LRP2: variants seen among roughly 807,000 people sequenced by gnomAD.
LRP2 encodes LDL receptor related protein 2.
A neutral mutation model predicts 531.0 loss-of-function variants in LRP2; 172 were observed. The ratio of observed to expected loss-of-function variants is 0.32; its 90% CI spans 0.29 to 0.37. The LOEUF is 0.37. LRP2 is among the 10% of genes least tolerant of loss of function. The pLI is 1.00. For missense variants in LRP2, 5,167 were observed against 5,868.3 expected (o/e 0.88, Z 3.90); for synonymous variants, 1,992 against 2,027.6 (o/e 0.98, Z 0.47).
intron 44 of LRP2, 147 bp downstream of exon 44, chr2:169,201,481 G>A (rs1286037255): frequency 2.0e-5 from 18 of 921,364 alleles, no homozygotes; most frequent in Non-Finnish European, 2.9e-5. Flanking sequence ...GTTGATACTT[G>A]CTACCGCGCC....
intron 1 of LRP2, among the ~76,000 whole-genome samples, chr2:169,330,570 A>G (rs1435844785): frequency 6.6e-6 from 1 of 152,144 alleles, no homozygotes; most frequent in African/African-American, 2.4e-5. Flanking sequence ...GCAAAGCCAC[A>G]CTTCTCAGAG....
At chr2:169,149,480 C>T (rs545416215) in intron 68 of LRP2, among the ~76,000 whole-genome samples, 16 of 152,268 alleles carry the variant, frequency 1.1e-4, no homozygotes, top group Middle Eastern at 3.4e-3. Context: ...TCCTTTCTTA[C>T]TTCCTATCCC....
chr2:169,137,619 T>G (rs1416389799), intron 75 of LRP2, 126 bp from the exon 76 acceptor site: 1 of 491,934 alleles, frequency 2.0e-6, no homozygotes, highest in Non-Finnish European at 3.8e-6. Flanking sequence ...CGCTAGGTGC[T>G]ACGTCATAAG....
In LRP2 at chr2:169,310,671, T is replaced by C. The variant is rs534342009; in HGVS notation, c.311-3274A>G. ...ATTGGTCTAAAATTCTCTTTTTTTGTTGTGTCTCTGCCAGGCTTTGGTATC... is the reference window on the plus strand; with the variant it reads ...ATTGGTCTAAAATTCTCTTTTTTTGCTGTGTCTCTGCCAGGCTTTGGTATC... On this transcript the variant is annotated intron_variant, in intron 3 of 78. Transcript: ENST00000649046. 1.6e-4 allele frequency among the ~76,000 whole-genome samples: 25 copies of C among 152,318 alleles called. No homozygotes were observed. The East Asian group carries it at 3.5e-3, about 21-fold the overall frequency.
chr2:169,180,208 C>T (rs1159542340), intron 52 of LRP2, among the ~76,000 whole-genome samples: 2 of 152,164 alleles, frequency 1.3e-5, no homozygotes, highest in African/African-American at 4.8e-5. Context: ...CTTTGAACAT[C>T]TTGATGCTTC....
chr2:169,175,643 C>CAA (rs34526338), intron 54 of LRP2, among the ~76,000 whole-genome samples: 38 of 149,674 alleles, frequency 2.5e-4, no homozygotes, highest in South Asian at 1.5e-3. Flanking sequence ...ATTTCCTCCA[C>CAA]AAAAAAAAAA....
chr2:169,279,844 T>A lies in LRP2; in HGVS notation c.1342-249A>T, dbSNP rs572140711. 1.2e-3 allele frequency among the ~76,000 whole-genome samples: 185 copies of A among 152,288 alleles called. 1 individual carries two copies. The highest frequency in any genetic ancestry group is 4.4e-3 in the African/African-American group (181 of 41,566). On this transcript the variant is annotated intron_variant, in intron 11 of 78. Transcript: ENST00000649046. ...AAATTTATGTTTCAAAAATCTCCAT[T>A]GCATTACTCCAAGATGAAATTAAAC...
intron 1 of LRP2, among the ~76,000 whole-genome samples, chr2:169,327,091 G>C (rs1375568992): frequency 1.4e-5 from 2 of 145,102 alleles, no homozygotes; most frequent in East Asian, 2.1e-4. Context: ...AGGTGGGGGG[G>C]TCAGCCCCCC....
At chr2:169,210,689 G>A (rs979722200) in intron 37 of LRP2, among the ~76,000 whole-genome samples, 2 of 152,160 alleles carry the variant, frequency 1.3e-5, no homozygotes, top group African/African-American at 2.4e-5. Context: ...TCCCAGTGCA[G>A]TGCATGAATC....
intron 13 of LRP2, 105 bp downstream of exon 13, chr2:169,277,640 A>T: frequency 9.6e-7 from 1 of 1,041,326 alleles, no homozygotes; most frequent in East Asian, 2.6e-5. Flanking sequence ...CATGTCCACC[A>T]ACAAAGCAAT....
At chr2:169,209,691 CT>C (rs1688525933) in intron 37 of LRP2, 50 bp from the exon 38 acceptor site, 1 of 1,555,560 alleles carries the variant, frequency 6.4e-7, no homozygotes, top group African/African-American at 1.4e-5. Context: ...GAAATTAGAA[CT>C]TTTAAATGTC....
Position 169,279,614 on chromosome 2 carries a change from T to G in LRP2, c.1342-19A>C, listed in dbSNP as rs997581828. On this transcript the variant is annotated intron_variant, in intron 11 of 78. Transcript: ENST00000649046. ...AAAAAACCTGAAAGAAAAACCAAAATTATTATATTTCTTCAGCATCACTAA... is the reference window on the plus strand; with the variant it reads ...AAAAAACCTGAAAGAAAAACCAAAAGTATTATATTTCTTCAGCATCACTAA... The G allele has an allele frequency of 1.3e-6, 2 of 1,485,522 alleles. No individual in the cohort carries two copies. The highest frequency in any genetic ancestry group is 1.9e-6 in the Non-Finnish European group (2 of 1,064,722). 92.0% of individuals were successfully genotyped at this position (1,485,522 alleles called of 1,614,324 possible).
chr2:169,185,498 C>T lies in LRP2; in HGVS notation c.9845+5G>A, dbSNP rs563916043. ...CTTTTAAAAAGCTCATCAGTGTTTTCTTACCTGGAAACCCAGTCTACAGCC... is the reference window on the plus strand; with the variant it reads ...CTTTTAAAAAGCTCATCAGTGTTTTTTTACCTGGAAACCCAGTCTACAGCC... On this transcript the variant is annotated splice_donor_5th_base_variant and intron_variant, in intron 50 of 78. Transcript: ENST00000649046. 3.1e-5 allele frequency: 50 copies of T among 1,612,918 alleles called. No homozygotes were observed. The East Asian group carries it at 7.1e-4, about 23-fold the overall frequency.
chr2:169,259,112 C>G lies in LRP2; in HGVS notation c.2426G>C (p.Ser809Thr), dbSNP rs759522776. ...YWTDSHYKSI[S>T]VMRLADKTRR... is the part of the protein sequence containing the mutation. ...CGTTTTATCAGCTAGCCTCATGACA[C>G]TGATACTCTTGTAATGAGAGTCTGT... is the stretch of plus-strand genomic sequence containing the variant. The change falls in exon 17 of 79, where the codon AGT (serine) becomes ACT (threonine). Residue 809 changes from serine to threonine, a missense_variant. This residue lies in a region of LRP2 where 2,811 missense variants were observed against 3,058.0 expected (regional missense o/e 0.92). Coordinates refer to ENST00000649046, the MANE Select transcript of LRP2 (RefSeq NM_004525.3). The G allele has an allele frequency of 2.5e-6, 4 of 1,612,704 alleles. No individual in the cohort carries two copies. Among genetic ancestry groups the G allele is most frequent in the Non-Finnish European group, 3.4e-6 (4 of 1,179,054 alleles).
intron 19 of LRP2, among the ~76,000 whole-genome samples, chr2:169,248,579 C>T (rs1690105952): frequency 6.6e-6 from 1 of 152,218 alleles, no homozygotes; most frequent in Admixed American, 6.5e-5. Context: ...TGTTGCACAA[C>T]AAAAGAACTT....
intron 76 of LRP2, among the ~76,000 whole-genome samples, chr2:169,133,924 C>T (rs1685388174): frequency 6.6e-6 from 1 of 152,146 alleles, no homozygotes; most frequent in African/African-American, 2.4e-5. Context: ...CACAGACAGC[C>T]CCCATTACTT....
chr2:169,181,318 G>A, intron 52 of LRP2, 130 bp downstream of exon 52: 1 of 841,356 alleles, frequency 1.2e-6, no homozygotes, highest in Non-Finnish European at 1.9e-6. Flanking sequence ...TTAGAAGTGT[G>A]ACTTCCCCCG....
chr2:169,239,942 G>A (rs892919418), intron 25 of LRP2, among the ~76,000 whole-genome samples, 167 bp from the exon 26 acceptor site: 3 of 152,146 alleles, frequency 2.0e-5, no homozygotes, highest in Non-Finnish European at 4.4e-5. Context: ...GCTGTTCAGG[G>A]TTTGCTCTAA....
At chr2:169,142,943 T>A in intron 70 of LRP2, 150 bp from the exon 71 acceptor site, 1 of 822,858 alleles carries the variant, frequency 1.2e-6, no homozygotes, top group Non-Finnish European at 2.1e-6. Context: ...CTCACCCTCA[T>A]TTACACTATC....
Sources: allele counts gnomAD v4.1 joint callset (sites outside exome capture counted in the v4.1 genomes callset), GRCh38; gene constraint gnomAD v4.1.1; regional missense constraint gnomAD v4.1.1; transcripts MANE v1.5; gene names NCBI Gene and HGNC (gene_info 2026-07-23, HGNC 2026-07-21).